POLR2J3: variants seen among roughly 807,000 people sequenced by gnomAD.
POLR2J3 encodes the protein RNA polymerase II subunit J3.
For synonymous variants in POLR2J3, 2 were observed against 81.3 expected, an observed-to-expected ratio of 0.02 and a Z score of 5.25; for missense variants, 5 against 204.2, an observed-to-expected ratio of 0.02 and a Z score of 5.95.
intron 1 of POLR2J3, among the ~76,000 whole-genome samples, chr7:102,570,810 AGTC>A (rs1801216188): frequency 7.3e-6 from 1 of 137,368 alleles, no homozygotes; most frequent in African/African-American, 2.6e-5. Flanking sequence ...CCCCAAAACA[AGTC>A]ATGCTCTGGC....
chr7:102,568,510 C>T (rs1318904616), intron 2 of POLR2J3, among the ~76,000 whole-genome samples: 175 of 151,624 alleles, frequency 1.2e-3, no homozygotes, highest in Non-Finnish European at 2.4e-4. Flanking sequence ...GACTCAGACC[C>T]AAAAAGCCCA....
At chr7:102,568,300 C>CA (rs879818675) in intron 2 of POLR2J3, 116 bp from the exon 3 acceptor site, 6,281 of 151,108 alleles carry the variant, frequency 0.042, no homozygotes, top group Middle Eastern at 0.058. Context: ...ACTTTTTTCC[C>CA]AAAAAGTCTT....
intron 1 of POLR2J3, 73 bp downstream of exon 1, chr7:102,572,399 G>C (rs1801250978): frequency 6.2e-7 from 1 of 1,610,976 alleles, no homozygotes; most frequent in African/African-American, 1.3e-5. Context: ...GGCAAGAGAT[G>C]GGCAGGAGAC....
chr7:102,569,985 T>TA, intron 1 of POLR2J3, 61 bp from the exon 2 acceptor site: 1 of 972,910 alleles, frequency 1.0e-6, no homozygotes, highest in Non-Finnish European at 1.7e-6. Context: ...ACCCTGAGTC[T>TA]AAACCCTGTC....
intron 2 of POLR2J3, 123 bp downstream of exon 2, chr7:102,569,712 C>T (rs1801171227): frequency 1.6e-6 from 1 of 632,156 alleles, no homozygotes; most frequent in African/African-American, 1.9e-5. Context: ...TATAAAATGC[C>T]CAGAGCAAGC....
rs1801183297 is a variant in POLR2J3 at position 102,569,927 on chromosome 7, AG to A, written c.51-4del. 1.9e-6 allele frequency: 3 copies of A among 1,573,380 alleles called. No individual in the cohort carries two copies. The highest frequency in any genetic ancestry group is 1.1e-5 in the South Asian group (1 of 89,756). ...TGGTGTCCTTGTTAATGGTGATCCT[AG>A]GAAGACACAGAGGCCACAGATGAGG... On this transcript the variant is annotated splice_polypyrimidine_tract_variant and splice_region_variant and intron_variant, in intron 1 of 6. Coordinates refer to ENST00000513506, the Ensembl canonical transcript of POLR2J3.
exon 1 of POLR2J3, chr7:102,572,517 T>A (rs1488450372): frequency 6.2e-7 from 1 of 1,611,798 alleles, no homozygotes; most frequent in Non-Finnish European, 8.5e-7. Context: ...TGGAGGGGCG[T>A]TCATGCTCCC....
rs1435074372 is a variant in POLR2J3, at chr7:102,568,516, G to T, written c.140+1319C>A. ...GTGTTCAGTGACTCAGACCCAAAAA[G>T]CCCACAAAGAGCCTCCACGCAGCAA... On this transcript the variant is annotated intron_variant, in intron 2 of 6. Transcript: ENST00000513506. Among the ~76,000 whole-genome samples, 22 of 152,318 alleles carry T rather than the reference G, an allele frequency of 1.4e-4. No individual in the cohort carries two copies. In the East Asian group the frequency reaches 3.7e-3, roughly 26 times the overall value.
chr7:102,570,144 A>G (rs1473670504), intron 1 of POLR2J3, among the ~76,000 whole-genome samples: 1 of 110,122 alleles, frequency 9.1e-6, no homozygotes, highest in African/African-American at 3.1e-5. Flanking sequence ...GAAAAAAAAA[A>G]AATTAGCTGA....
chr7:102,572,186 A>G, intron 1 of POLR2J3: 1 of 1,098,528 alleles, frequency 9.1e-7, no homozygotes, highest in South Asian at 1.8e-5. Flanking sequence ...CAGATCCCAG[A>G]GGAAAAGGGC....
intron 1 of POLR2J3, among the ~76,000 whole-genome samples, chr7:102,570,443 C>CTT (rs1344280214): frequency 3.6e-4 from 49 of 135,070 alleles, no homozygotes; most frequent in African/African-American, 1.2e-3. Flanking sequence ...TGAATTCCTC[C>CTT]TTTTTTTTTT....
chr7:102,567,320 A>AGATTGATT (rs775269299), intron 2 of POLR2J3: 2 of 555,178 alleles, frequency 3.6e-6, no homozygotes, highest in African/African-American at 1.9e-5. Context: ...TCAACCGCTG[A>AGATTGATT]GATTGATTGA....
chr7:102,568,612 G>A (rs1350255276), intron 2 of POLR2J3, among the ~76,000 whole-genome samples: 1 of 151,282 alleles, frequency 6.6e-6, no homozygotes, highest in East Asian at 2.0e-4. Context: ...TGCCCTCCGA[G>A]CAGCACAGCC....
chr7:102,572,339 G>C (rs1801248971), intron 1 of POLR2J3, 133 bp downstream of exon 1: 1 of 1,546,958 alleles, frequency 6.5e-7, no homozygotes, highest in Non-Finnish European at 8.7e-7. Flanking sequence ...CCTTAAATTT[G>C]GCTGACACAG....
rs1427503407 is a variant in POLR2J3, at chr7:102,572,299, G to A, written c.50+173C>T. 4 of 1,529,566 alleles carry A rather than the reference G, an allele frequency of 2.6e-6. No homozygotes were observed. In the African/African-American group the frequency reaches 4.1e-5, roughly 16 times the overall value. 94.7% of individuals were successfully genotyped at this position (1,529,566 alleles called of 1,614,324 possible). On this transcript the variant is annotated intron_variant, in intron 1 of 6. Transcript: ENST00000513506. Reference sequence around the variant, plus strand: ...GCCTCAGTGTCCTCATCTGCAAAATGAACACACTCGCGACTGCCTCGCGGA... The same window carrying A: ...GCCTCAGTGTCCTCATCTGCAAAATAAACACACTCGCGACTGCCTCGCGGA...
At chr7:102,570,040 T>TG in intron 1 of POLR2J3, 116 bp from the exon 2 acceptor site, 4 of 1,028,640 alleles carry the variant, frequency 3.9e-6, no homozygotes, top group Non-Finnish European at 4.6e-6. Flanking sequence ...ATCCCAACAC[T>TG]TTGGGAGGCT....
At chr7:102,569,195 CT>C (rs1391369275) in intron 2 of POLR2J3, 1 of 156,046 alleles carries the variant, frequency 6.4e-6, no homozygotes, top group African/African-American at 2.7e-5. Context: ...ATCTTGACTG[CT>C]TTTCAATGTC....
At chr7:102,568,818 G>A (rs1453226135) in intron 2 of POLR2J3, among the ~76,000 whole-genome samples, 2 of 152,168 alleles carry the variant, frequency 1.3e-5, no homozygotes, top group South Asian at 4.2e-4. Context: ...GTGCCCCACT[G>A]GCTGGGCTCC....
chr7:102,570,134 GAAA>G (rs764044873), intron 1 of POLR2J3, among the ~76,000 whole-genome samples: 1 of 70,454 alleles, frequency 1.4e-5, no homozygotes, highest in Non-Finnish European at 3.3e-5. Flanking sequence ...AAAATACAAA[GAAA>G]AAAAAAAAAT....
Sources: allele counts gnomAD v4.1 joint callset (sites outside exome capture counted in the v4.1 genomes callset), GRCh38; gene constraint gnomAD v4.1.1; transcripts MANE v1.5; gene names NCBI Gene and HGNC (gene_info 2026-07-23, HGNC 2026-07-21).